The following NCAPG variants were observed in gnomAD, a reference collection of about 807,000 sequenced individuals.
NCAPG encodes the protein condensin complex subunit 3.
In NCAPG, 69 loss-of-function variants were observed where a neutral mutation model predicts 113.1. The ratio of observed to expected loss-of-function variants is 0.61; its 90% CI spans 0.50 to 0.75. The LOEUF (loss-of-function observed/expected upper bound fraction) is 0.75. NCAPG is among the 30% of genes least tolerant of loss of function. The pLI is 0.00. For synonymous variants in NCAPG, 370 were observed against 415.8 expected (o/e 0.89, Z 1.34); for missense variants, 1,058 against 1,177.0 (o/e 0.90, Z 1.48).
In NCAPG at chr4:17,831,062, C is replaced by T. The variant is rs775692687; in HGVS notation, c.1830C>T (p.Cys610=). The stretch of plus-strand genomic sequence containing the variant: ...ACCTGGCTGTTTTATGCTTGGGATG[C>T]TGTGGACTACAGAATCAGGATTTTG... ...VRNLAVLCLG[C]CGLQNQDFAR... The change falls in exon 13 of 21, where the codon TGC becomes TGT. Residue 610 remains cysteine (C), a synonymous_variant. Transcript: ENST00000251496. 2.5e-6 allele frequency: 4 copies of T among 1,613,572 alleles called. No individual in the cohort carries two copies. Among genetic ancestry groups the T allele is most frequent in the Non-Finnish European group, 3.4e-6 (4 of 1,179,632 alleles).
At chr4:17,833,471 T>C (rs951080864) in intron 13 of NCAPG, among the ~76,000 whole-genome samples, 1 of 141,474 alleles carries the variant, frequency 7.1e-6, no homozygotes, top group Non-Finnish European at 1.5e-5. Context: ...AAAAAAAAAA[T>C]ATATATATAT....
intron 8 of NCAPG, 65 bp from the exon 9 acceptor site, chr4:17,823,582 G>GTGAA: frequency 7.1e-7 from 1 of 1,412,858 alleles, no homozygotes; most frequent in Non-Finnish European, 9.8e-7. Flanking sequence ...TGCAGAGTAG[G>GTGAA]TGAATGTTAG....
intron 12 of NCAPG, among the ~76,000 whole-genome samples, chr4:17,829,012 C>T (rs1213252491): frequency 6.7e-6 from 1 of 150,190 alleles, no homozygotes; most frequent in Non-Finnish European, 1.5e-5. Flanking sequence ...TGGATATGTC[C>T]AATATATCCA....
At chr4:17,813,286 G>A in intron 3 of NCAPG, 141 bp downstream of exon 3, 1 of 608,064 alleles carries the variant, frequency 1.6e-6, no homozygotes, top group South Asian at 3.1e-5. Context: ...AAAAACCTAA[G>A]TAGCAACCAC....
chr4:17,821,145 C>T (rs78261017), intron 7 of NCAPG, among the ~76,000 whole-genome samples: 5,664 of 151,680 alleles, frequency 0.037, 159 homozygotes, highest in South Asian at 0.073. Flanking sequence ...AGTCAAGATG[C>T]TGTGCATTTT....
rs546032607 is a variant in NCAPG at position 17,842,723 on chromosome 4, T to TTCTG, written c.2924+348_2924+351dup. 3.9e-5 allele frequency: 8 copies of TTCTG among 207,034 alleles called. No homozygotes were observed. The East Asian group carries it at 9.6e-4, about 25-fold the overall frequency. The allele number at this position is 207,034 out of a possible 1,614,324, so 12.8% of individuals were successfully genotyped here. ...CTACACTTACATACTGATAGAATAA[T>TTCTG]TCTGTCTATAATTTGGGTATATTGT... is the stretch of plus-strand genomic sequence containing the variant. On this transcript the variant is annotated intron_variant, in intron 20 of 20. Transcript: ENST00000251496.
chr4:17,812,003 CT>C (rs1368387230), intron 1 of NCAPG, among the ~76,000 whole-genome samples: 5 of 152,200 alleles, frequency 3.3e-5, no homozygotes, highest in African/African-American at 1.2e-4. Flanking sequence ...AATCTTTTCA[CT>C]GTCAAAAGTC....
At chr4:17,825,253 A>G (rs868592071) in intron 10 of NCAPG, 129 bp from the exon 11 acceptor site, 1 of 886,414 alleles carries the variant, frequency 1.1e-6, no homozygotes, top group African/African-American at 1.7e-5. Flanking sequence ...CAGGAAAACT[A>G]CAAGTTTGCA....
At chr4:17,842,444 A>G in intron 20 of NCAPG, 65 bp downstream of exon 20, 1 of 1,332,494 alleles carries the variant, frequency 7.5e-7, no homozygotes, top group Non-Finnish European at 1.1e-6. Context: ...CAAGTAGAAA[A>G]AAACTAATTT....
intron 7 of NCAPG, among the ~76,000 whole-genome samples, chr4:17,819,044 A>C (rs1356781830): frequency 6.6e-6 from 1 of 152,128 alleles, no homozygotes; most frequent in East Asian, 1.9e-4. Flanking sequence ...ATTTATATAC[A>C]TTTTTTGAGT....
At chr4:17,835,591 A>G (rs1158506586) in intron 14 of NCAPG, among the ~76,000 whole-genome samples, 1 of 152,216 alleles carries the variant, frequency 6.6e-6, no homozygotes, top group South Asian at 2.1e-4. Context: ...CATTGTCATC[A>G]TCCCAAAAGG....
At chr4:17,824,775 G>T (rs1313452063) in intron 9 of NCAPG, among the ~76,000 whole-genome samples, 193 bp from the exon 10 acceptor site, 2 of 149,902 alleles carry the variant, frequency 1.3e-5, no homozygotes, top group Non-Finnish European at 3.0e-5. Context: ...ATTTCATTTT[G>T]TAGTCAGATA....
intron 11 of NCAPG, 27 bp from the exon 12 acceptor site, chr4:17,828,251 A>C: frequency 6.6e-7 from 1 of 1,515,998 alleles, no homozygotes; most frequent in Non-Finnish European, 9.1e-7. Context: ...GATATTACTA[A>C]TGCTGAATAT....
Position 17,840,694 on chromosome 4 carries a change from G to A in NCAPG, c.2854+1G>A. The A allele has an allele frequency of 6.6e-7, 1 of 1,507,372 alleles. No homozygotes were observed. The highest frequency in any genetic ancestry group is 1.4e-5 in the South Asian group (1 of 71,016). 93.4% of individuals were successfully genotyped at this position (1,507,372 alleles called of 1,614,324 possible). A position where few individuals can be genotyped will look rare whatever the true frequency, so the allele number is the denominator to read the frequency against. ...TCTACTCAGCTAAAGACTAACAGAG[G>A]TAGTGTGTGGATTGACCATCTTTAT... On this transcript the variant is annotated splice_donor_variant, in intron 19 of 20. Transcript: ENST00000251496. LOFTEE classifies it high-confidence loss of function.
chr4:17,820,452 A>G (rs1026340089), intron 7 of NCAPG, among the ~76,000 whole-genome samples: 1 of 152,000 alleles, frequency 6.6e-6, no homozygotes, highest in Admixed American at 6.6e-5. Flanking sequence ...ATACAAAAAA[A>G]TTAGCTGGGC....
At chr4:17,824,237 T>C (rs1197049192) in intron 9 of NCAPG, among the ~76,000 whole-genome samples, 3 of 152,188 alleles carry the variant, frequency 2.0e-5, no homozygotes, top group Non-Finnish European at 2.9e-5. Flanking sequence ...AAAGGTATTG[T>C]TCTGTATTGC....
chr4:17,812,454 G>C (rs1225918786), intron 2 of NCAPG, 30 bp downstream of exon 2: 1 of 1,585,104 alleles, frequency 6.3e-7, no homozygotes, highest in Non-Finnish European at 8.6e-7. Context: ...TTTGGGGAGG[G>C]ATTTTAGAAA....
intron 8 of NCAPG, 82 bp downstream of exon 8, chr4:17,823,205 A>C (rs912533505): frequency 6.7e-5 from 90 of 1,341,174 alleles, no homozygotes; most frequent in Admixed American, 1.8e-4. Flanking sequence ...AATATAACTA[A>C]ACATATTTAC....
chr4:17,820,386 G>A (rs1721404626), intron 7 of NCAPG, among the ~76,000 whole-genome samples: 1 of 152,076 alleles, frequency 6.6e-6, no homozygotes, highest in Non-Finnish European at 1.5e-5. Flanking sequence ...TGGATCACGA[G>A]GTCAGGAGAT....
Sources: allele counts gnomAD v4.1 joint callset (sites outside exome capture counted in the v4.1 genomes callset), GRCh38; gene constraint gnomAD v4.1.1; transcripts MANE v1.5; gene names NCBI Gene and HGNC (gene_info 2026-07-23, HGNC 2026-07-21).